Variants in RSF1 observed in about 807,000 individuals in gnomAD.
The protein encoded by RSF1 is remodeling and spacing factor 1, also known as HBV pX-associated protein 8.
In RSF1, 13 loss-of-function variants were observed where a neutral mutation model predicts 145.2. That is an observed-to-expected ratio of 0.09 (90% CI 0.06 to 0.14). The LOEUF (loss-of-function observed/expected upper bound fraction) is 0.14. Ranked by LOEUF, RSF1 falls within the 10% of genes least tolerant of loss-of-function variation. The pLI is 1.00. For missense variants in RSF1, 1,517 were observed against 1,718.2 expected, an observed-to-expected ratio of 0.88 and a Z score of 2.07; for synonymous variants, 577 against 592.6, an observed-to-expected ratio of 0.97 and a Z score of 0.38.
At position 77,820,396 on chromosome 11, in the gene RSF1, G is replaced by A. The variant is rs939378488; in HGVS notation, c.187+132C>T. ...GGGCTGGGCGGAGAAGACCAGCCCG[G>A]CGGAGTTGCGTCCCAGGGGGAAGAC... is the stretch of plus-strand genomic sequence containing the variant. On this transcript the variant is annotated intron_variant, in intron 1 of 15. Coordinates refer to ENST00000308488, the MANE Select transcript of RSF1 (RefSeq NM_016578.4). 12 of 968,240 alleles carry A rather than the reference G, an allele frequency of 1.2e-5. No homozygotes were observed. The East Asian group carries it at 2.1e-4, about 17-fold the overall frequency. 60.0% of individuals were successfully genotyped at this position (968,240 alleles called of 1,614,324 possible). A position where few individuals can be genotyped will look rare whatever the true frequency, so the allele number is the denominator to read the frequency against.
upstream of RSF1, among the ~76,000 whole-genome samples, chr11:77,823,621 C>CAAAAAAA (rs397970373): frequency 3.1e-5 from 3 of 97,626 alleles, no homozygotes; most frequent in Non-Finnish European, 5.9e-5. Context: ...CACCCTGTCT[C>CAAAAAAA]AAAAAAAAAA....
Position 77,667,239 on chromosome 11 carries a change from T to C in RSF1, c.4004A>G (p.Glu1335Gly), listed in dbSNP as rs1270623515. ...SQPRVLPSEQ[E>G]STKKPYRIES... is the part of the protein sequence containing the mutation. The stretch of plus-strand genomic sequence containing the variant: ...TATCCGGTAGGGCTTCTTGGTGCTC[T>C]CTTGTTCTGAGGGCAGGACCCTAGG... Residue 1335 changes from glutamate to glycine, a missense_variant, in exon 16 of 16, where the codon GAG becomes GGG. Glu to Gly is a moderately conservative substitution (Grantham distance 98, BLOSUM62 -2). This residue lies in a region of RSF1 where 240 missense variants were observed against 231.8 expected (regional missense o/e 1.04). Coordinates refer to ENST00000308488, the MANE Select transcript of RSF1 (RefSeq NM_016578.4). 1 of 1,614,204 alleles carries C rather than the reference T, an allele frequency of 6.2e-7. No individual in the cohort carries two copies.
At chr11:77,742,320 A>G (rs1321291406) in intron 3 of RSF1, among the ~76,000 whole-genome samples, 1 of 151,972 alleles carries the variant, frequency 6.6e-6, no homozygotes, top group African/African-American at 2.4e-5. Flanking sequence ...TCATTCTGTC[A>G]CCAGGCTGGA....
chr11:77,731,010 TA>T (rs1232931251), intron 4 of RSF1, among the ~76,000 whole-genome samples: 6 of 152,112 alleles, frequency 3.9e-5, no homozygotes, highest in African/African-American at 1.4e-4. Context: ...GGAAGTGGCT[TA>T]AAAAATGGGT....
At chr11:77,746,933 C>A in intron 3 of RSF1, 103 bp downstream of exon 3, 1 of 671,962 alleles carries the variant, frequency 1.5e-6, no homozygotes, top group Non-Finnish European at 2.5e-6. Flanking sequence ...TCCTCTTCTG[C>A]TAATAATAAA....
At chr11:77,859,462 A>G in the RSF1 span, among the ~76,000 whole-genome samples, 3 of 152,084 alleles carry the variant, frequency 2.0e-5, no homozygotes, top group Admixed American at 2.0e-4. Context: ...TTTTCTCTCC[A>G]TATTGCTGCA....
rs539991284 is a variant in RSF1 at position 77,664,851 on chromosome 11, C to T, written c.*2066G>A. 3 of 152,362 alleles carry T rather than the reference C, an allele frequency of 2.0e-5. No homozygotes were observed. Among genetic ancestry groups the T allele is most frequent in the Non-Finnish European group, 2.9e-5 (2 of 68,042 alleles). The allele number at this position is 152,362 out of a possible 1,614,324, so 9.4% of individuals were successfully genotyped here. A position where few individuals can be genotyped will look rare whatever the true frequency, so the allele number is the denominator to read the frequency against. The stretch of plus-strand genomic sequence containing the variant: ...AAATGTAGCTCCTTACACAGCCCTG[C>T]TTTACTGTCTGTGAATGTAAGCCCT... On this transcript the variant is annotated 3_prime_UTR_variant, in exon 16 of 16. Transcript: ENST00000308488.
intron 3 of RSF1, among the ~76,000 whole-genome samples, chr11:77,744,487 C>G (rs1947978292): frequency 6.6e-6 from 1 of 151,934 alleles, no homozygotes; most frequent in South Asian, 2.1e-4. Context: ...AAATATTTTA[C>G]AGAGAAGTGA....
intron 3 of RSF1, among the ~76,000 whole-genome samples, chr11:77,743,151 G>T (rs561412708): frequency 6.6e-6 from 1 of 152,162 alleles, no homozygotes; most frequent in South Asian, 2.1e-4. Flanking sequence ...TAACTCAGTA[G>T]ATTTTTGAGA....
In RSF1 at chr11:77,770,099, C is replaced by T. The variant is rs148470154; in HGVS notation, c.188-5410G>A. Among the ~76,000 whole-genome samples, 1,169 of 152,278 alleles carry T rather than the reference C, an allele frequency of 7.7e-3. 8 individuals carry two copies. The highest frequency in any genetic ancestry group is 0.012 in the Non-Finnish European group (806 of 68,018). The stretch of plus-strand genomic sequence containing the variant: ...TAAAGAGTTCATTTAATCAATCATC[C>T]TAGTTTTCTGAAAAGCAAAGAAACA... On this transcript the variant is annotated intron_variant, in intron 1 of 15. Coordinates refer to ENST00000308488, the MANE Select transcript of RSF1 (RefSeq NM_016578.4).
At chr11:77,871,376 C>A in the RSF1 span, among the ~76,000 whole-genome samples, 1 of 152,160 alleles carries the variant, frequency 6.6e-6, no homozygotes, top group Non-Finnish European at 1.5e-5. Flanking sequence ...TAAGCATTTT[C>A]TATGGGTAAG....
intron 4 of RSF1, among the ~76,000 whole-genome samples, chr11:77,733,784 A>G (rs934868966): frequency 1.8e-4 from 27 of 152,254 alleles, no homozygotes; most frequent in Non-Finnish European, 4.4e-5. Context: ...CAGGTCTCCA[A>G]CTGCTGGGTT....
Position 77,799,378 on chromosome 11 carries a change from T to C in RSF1, c.187+21150A>G, listed in dbSNP as rs1476556397. 7.2e-5 allele frequency among the ~76,000 whole-genome samples: 11 copies of C among 151,768 alleles called. No individual in the cohort carries two copies. The South Asian group carries it at 2.3e-3, about 32-fold the overall frequency. ...CAAAAATTAGCCAGGTGTGGTGGCA[T>C]GTGCCTATAGCCCCAGCTACTCAGG... On this transcript the variant is annotated intron_variant, in intron 1 of 15. Transcript: ENST00000308488.
At chr11:77,779,435 T>C (rs1483023912) in intron 1 of RSF1, among the ~76,000 whole-genome samples, 1 of 150,636 alleles carries the variant, frequency 6.6e-6, no homozygotes, top group East Asian at 2.0e-4. Flanking sequence ...CAGGCTGGAG[T>C]GCAATGGCGC....
Position 77,662,711 on chromosome 11 carries a change from A to G in RSF1, c.*4206T>C, listed in dbSNP as rs1959258535. On this transcript the variant is annotated 3_prime_UTR_variant, in exon 16 of 16. Transcript: ENST00000308488. ...TTCCAAGGTAGGTTTACAGGCACACACTTTGGGAAAGGTAGATGATATAGG... is the reference window on the plus strand; with the variant it reads ...TTCCAAGGTAGGTTTACAGGCACACGCTTTGGGAAAGGTAGATGATATAGG... The G allele has an allele frequency of 6.6e-6, 1 of 152,176 alleles. No individual in the cohort carries two copies. The highest frequency in any genetic ancestry group is 1.5e-5 in the Non-Finnish European group (1 of 68,008). The allele number at this position is 152,176 out of a possible 1,614,324, so 9.4% of individuals were successfully genotyped here.
At chr11:77,764,377 A>G (rs1371041389) in intron 2 of RSF1, 2 of 468,846 alleles carry the variant, frequency 4.3e-6, no homozygotes, top group South Asian at 2.9e-5. Flanking sequence ...GTTAGGCACA[A>G]AAGAGATATA....
rs1948331484 is a variant in RSF1, at chr11:77,775,360, A to G, written c.188-10671T>C. On this transcript the variant is annotated intron_variant, in intron 1 of 15. Coordinates refer to ENST00000308488, the MANE Select transcript of RSF1 (RefSeq NM_016578.4). The stretch of plus-strand genomic sequence containing the variant: ...CAGGAAGTGATACAGAAGAGATGAA[A>G]AAGATGGCAAAGATGACTCTGGGTT... Among the ~76,000 whole-genome samples the G allele has an allele frequency of 2.0e-5, 3 of 152,162 alleles. No homozygotes were observed. In the South Asian group the frequency reaches 6.2e-4, roughly 31 times the overall value.
intron 15 of RSF1, among the ~76,000 whole-genome samples, chr11:77,668,285 A>C (rs1590818986): frequency 6.6e-6 from 1 of 152,366 alleles, no homozygotes; most frequent in East Asian, 1.9e-4. Flanking sequence ...TATAGGCGTA[A>C]GCCACTGTGC....
At chr11:77,786,306 A>C (rs1243175613) in intron 1 of RSF1, among the ~76,000 whole-genome samples, 1 of 152,204 alleles carries the variant, frequency 6.6e-6, no homozygotes, top group Non-Finnish European at 1.5e-5. Flanking sequence ...TGTGCTTAGC[A>C]AGATTATTGT....
Sources: allele counts gnomAD v4.1 joint callset (sites outside exome capture counted in the v4.1 genomes callset), GRCh38; gene constraint gnomAD v4.1.1; regional missense constraint gnomAD v4.1.1; transcripts MANE v1.5; gene names NCBI Gene and HGNC (gene_info 2026-07-23, HGNC 2026-07-21).